PLEKHG1: variants seen among roughly 807,000 people sequenced by gnomAD.
PLEKHG1 encodes pleckstrin homology domain-containing family G member 1.
In PLEKHG1, 44 loss-of-function variants were observed where a neutral mutation model predicts 100.8. The observed-to-expected ratio is 0.44, with a 90% CI of 0.34 to 0.56. PLEKHG1 has a LOEUF of 0.56. Ranked by LOEUF, PLEKHG1 falls within the 20% of genes least tolerant of loss-of-function variation. The pLI, the probability that PLEKHG1 is intolerant of heterozygous loss-of-function variation, is 0.01. For missense variants in PLEKHG1, 1,545 were observed against 1,720.9 expected, an observed-to-expected ratio of 0.90 and a Z score of 1.81; for synonymous variants, 640 against 662.5, an observed-to-expected ratio of 0.97 and a Z score of 0.52.
chr6:150,606,103 A>T (rs1399366767), intron 1 of PLEKHG1, among the ~76,000 whole-genome samples: 2 of 152,224 alleles, frequency 1.3e-5, no homozygotes, highest in Non-Finnish European at 2.9e-5. Context: ...ATGTATTTTT[A>T]AAAATAGTTT....
chr6:150,631,770 A>AG (rs1389284509), intron 1 of PLEKHG1, among the ~76,000 whole-genome samples: 1 of 152,120 alleles, frequency 6.6e-6, no homozygotes, highest in Non-Finnish European at 1.5e-5. Context: ...GTTCCCAAGG[A>AG]GGGGAACAGA....
chr6:150,691,741 A>C (rs1780356229), intron 3 of PLEKHG1, among the ~76,000 whole-genome samples: 1 of 152,180 alleles, frequency 6.6e-6, no homozygotes, highest in Non-Finnish European at 1.5e-5. Flanking sequence ...CCAACCACCC[A>C]CCTTGTGAGA....
chr6:150,678,378 A>G (rs1490037386), intron 3 of PLEKHG1, among the ~76,000 whole-genome samples: 28 of 151,916 alleles, frequency 1.8e-4, no homozygotes, highest in Non-Finnish European at 2.9e-5. Flanking sequence ...AGCTTTCACA[A>G]CTCTACAAAG....
At chr6:150,743,088 C>T (rs1394708159) in intron 2 of PLEKHG1, among the ~76,000 whole-genome samples, 2 of 152,148 alleles carry the variant, frequency 1.3e-5, no homozygotes, top group Non-Finnish European at 2.9e-5. Context: ...TGCAGTCTAG[C>T]CGTGTGTCCA....
At chr6:150,635,883 G>A (rs1011792691) in intron 1 of PLEKHG1, among the ~76,000 whole-genome samples, 3 of 152,188 alleles carry the variant, frequency 2.0e-5, no homozygotes, top group African/African-American at 7.2e-5. Context: ...TTCATGCACT[G>A]TACAACACTC....
intron 1 of PLEKHG1, among the ~76,000 whole-genome samples, chr6:150,604,259 C>A (rs1776493209): frequency 6.6e-6 from 1 of 152,070 alleles, no homozygotes. Context: ...GTGAATAGAT[C>A]TAGTTCTCTG....
chr6:150,709,283 C>T (rs539125613), intron 3 of PLEKHG1, among the ~76,000 whole-genome samples: 4 of 152,164 alleles, frequency 2.6e-5, no homozygotes, highest in South Asian at 2.1e-4. Context: ...TTCAGTGAGC[C>T]GAGATTGCGC....
upstream of PLEKHG1, among the ~76,000 whole-genome samples, chr6:150,718,904 T>A (rs945243061): frequency 1.1e-4 from 16 of 146,782 alleles, no homozygotes; most frequent in African/African-American, 3.8e-4. Context: ...AAAAAAAAAA[T>A]GTGTTTGTGT....
At chr6:150,763,173 G>T (rs1680760869) in intron 2 of PLEKHG1, among the ~76,000 whole-genome samples, 1 of 151,722 alleles carries the variant, frequency 6.6e-6, no homozygotes, top group South Asian at 2.1e-4. Flanking sequence ...GATTACAGCT[G>T]CCCACCACCA....
exon 16 of PLEKHG1, chr6:150,839,960 C>T (rs1390771028): frequency 6.2e-7 from 1 of 1,614,118 alleles, no homozygotes. Context: ...TGTCACCTTC[C>T]CAGGTCCACC....
chr6:150,607,653 G>A (rs1776657978), intron 1 of PLEKHG1, among the ~76,000 whole-genome samples: 1 of 152,158 alleles, frequency 6.6e-6, no homozygotes. Context: ...TGGGTGGTAG[G>A]GGTGATATTA....
chr6:150,741,666 TC>T (rs140623865), intron 2 of PLEKHG1, among the ~76,000 whole-genome samples: 3 of 152,092 alleles, frequency 2.0e-5, no homozygotes, highest in African/African-American at 7.3e-5. Context: ...AAGTGACTTA[TC>T]CCCCAGGTCA....
At chr6:150,779,424 C>A (rs1209745120) in intron 3 of PLEKHG1, among the ~76,000 whole-genome samples, 1 of 145,550 alleles carries the variant, frequency 6.9e-6, no homozygotes, top group African/African-American at 2.6e-5. Context: ...CAGCTCTCTG[C>A]AACTTCTGCC....
Position 150,733,568 on chromosome 6 carries a change from TC to T in PLEKHG1, c.-98-15del. 1 of 1,576,238 alleles carries T rather than the reference TC, an allele frequency of 6.3e-7. No homozygotes were observed. Among genetic ancestry groups the T allele is most frequent in the Non-Finnish European group, 8.6e-7 (1 of 1,162,124 alleles). On this transcript the variant is annotated splice_polypyrimidine_tract_variant and intron_variant, in intron 1 of 15. Coordinates refer to ENST00000358517, the Ensembl canonical transcript of PLEKHG1. ...ATTGCTTATCTTGTCCTTTTTATTTTCTTTAATGCATATAGATGGGCACCAG... is the reference window on the plus strand; with the variant it reads ...ATTGCTTATCTTGTCCTTTTTATTTTTTTAATGCATATAGATGGGCACCAG...
At chr6:150,643,612 C>T (rs190693276) in intron 2 of PLEKHG1, among the ~76,000 whole-genome samples, 6 of 152,292 alleles carry the variant, frequency 3.9e-5, no homozygotes, top group Admixed American at 2.0e-4. Context: ...CAAAGCACCA[C>T]TGAAAACAAT....
chr6:150,744,919 AG>A (rs1266879330), intron 2 of PLEKHG1, among the ~76,000 whole-genome samples: 2 of 152,202 alleles, frequency 1.3e-5, no homozygotes, highest in East Asian at 3.9e-4. Context: ...TATTATACAC[AG>A]GGATTGTTTT....
intron 1 of PLEKHG1, among the ~76,000 whole-genome samples, chr6:150,727,878 A>C (rs1382878890): frequency 6.6e-6 from 1 of 152,252 alleles, no homozygotes; most frequent in East Asian, 1.9e-4. Context: ...ATTTTGGAAT[A>C]GACAGAAGTT....
upstream of PLEKHG1, among the ~76,000 whole-genome samples, chr6:150,719,465 T>C (rs1323595008): frequency 3.3e-5 from 5 of 152,140 alleles, no homozygotes; most frequent in Non-Finnish European, 7.3e-5. Flanking sequence ...ATCAAATCTA[T>C]GGTATAGGAA....
intron 3 of PLEKHG1, among the ~76,000 whole-genome samples, chr6:150,714,217 AT>A (rs774195689): frequency 6.6e-6 from 1 of 152,218 alleles, no homozygotes; most frequent in Admixed American, 6.5e-5. Context: ...GGACTGATAG[AT>A]TATCGAAAGC....
Sources: gnomAD v4.1 joint callset for allele counts (sites outside exome capture counted in the v4.1 genomes callset) on GRCh38, gnomAD v4.1.1 for gene constraint, MANE v1.5 for transcripts, NCBI Gene and HGNC (gene_info 2026-07-23, HGNC 2026-07-21) for gene names.